The following CHSY3 variants were observed in gnomAD, a reference collection of about 807,000 sequenced individuals.
The protein encoded by CHSY3 is N-acetylgalactosaminyl-proteoglycan 3-beta-glucuronosyltransferase 3.
Under a neutral mutation model 67.2 loss-of-function variants are expected in CHSY3, and 35 were observed. That is an observed-to-expected ratio of 0.52 (90% confidence interval 0.40 to 0.69). The LOEUF (loss-of-function observed/expected upper bound fraction) is 0.69. Among genes scored for constraint, CHSY3 ranks in the 30% least tolerant of loss-of-function variants. CHSY3 has a pLI of 0.00. For missense variants in CHSY3, 1,069 were observed against 1,138.5 expected (o/e 0.94, Z 0.88); for synonymous variants, 474 against 434.7 (o/e 1.09, Z -1.12).
At chr5:130,019,921 G>A (rs1303497095) in intron 2 of CHSY3, among the ~76,000 whole-genome samples, 7 of 152,072 alleles carry the variant, frequency 4.6e-5, no homozygotes, top group Admixed American at 1.3e-4. Flanking sequence ...TTAGGGATTT[G>A]CATTGATTTA....
intron 2 of CHSY3, among the ~76,000 whole-genome samples, chr5:130,173,393 T>A (rs1307805698): frequency 1.3e-5 from 2 of 152,240 alleles, no homozygotes; most frequent in Admixed American, 1.3e-4. Context: ...CTCTCACTGA[T>A]AACATCTCGC....
At chr5:130,058,434 C>G (rs1765603800) in intron 2 of CHSY3, among the ~76,000 whole-genome samples, 1 of 152,092 alleles carries the variant, frequency 6.6e-6, no homozygotes, top group South Asian at 2.1e-4. Flanking sequence ...TCGAGACCAG[C>G]CTGGCTAACA....
chr5:130,149,735 G>A (rs1769179079), intron 2 of CHSY3, among the ~76,000 whole-genome samples: 1 of 152,174 alleles, frequency 6.6e-6, no homozygotes, highest in African/African-American at 2.4e-5. Context: ...TAAAATTCTG[G>A]TATAACAAGG....
At chr5:130,119,939 G>T (rs1408882573) in intron 2 of CHSY3, among the ~76,000 whole-genome samples, 1 of 152,230 alleles carries the variant, frequency 6.6e-6, no homozygotes, top group South Asian at 2.1e-4. Context: ...CGCTAAAAAT[G>T]TTAAAGGAGT....
At chr5:130,022,025 T>C (rs991698516) in intron 2 of CHSY3, among the ~76,000 whole-genome samples, 4 of 152,070 alleles carry the variant, frequency 2.6e-5, no homozygotes, top group Non-Finnish European at 5.9e-5. Context: ...AATTAGGTCA[T>C]TTGCTGGGAA....
At chr5:129,980,800 G>C (rs1052429844) in intron 2 of CHSY3, among the ~76,000 whole-genome samples, 2 of 152,098 alleles carry the variant, frequency 1.3e-5, no homozygotes, top group African/African-American at 2.4e-5. Context: ...GTGTGAAGAG[G>C]ATAAGGTCTG....
At chr5:129,998,047 A>G (rs938418566) in intron 2 of CHSY3, among the ~76,000 whole-genome samples, 1 of 152,134 alleles carries the variant, frequency 6.6e-6, no homozygotes, top group Non-Finnish European at 1.5e-5. Flanking sequence ...GCTGGGTCAA[A>G]TGGTATTTCT....
At chr5:130,077,062 C>T (rs1042567862) in intron 2 of CHSY3, among the ~76,000 whole-genome samples, 2 of 149,718 alleles carry the variant, frequency 1.3e-5, no homozygotes, top group Non-Finnish European at 1.5e-5. Context: ...CTAACCTGCA[C>T]ATTGTGCACA....
At chr5:130,180,504 A>G (rs1245279215) in intron 2 of CHSY3, among the ~76,000 whole-genome samples, 1 of 152,126 alleles carries the variant, frequency 6.6e-6, no homozygotes, top group African/African-American at 2.4e-5. Flanking sequence ...GCCTATTAGT[A>G]ATCAACTCCT....
rs558615442 is a variant in CHSY3, at chr5:129,958,548, C to A, written c.1086+50188C>A. 2.2e-4 allele frequency among the ~76,000 whole-genome samples: 34 copies of A among 152,130 alleles called. 1 individual carries two copies. Among genetic ancestry groups the A allele is most frequent in the Middle Eastern group, 3.4e-3 (1 of 294 alleles). On this transcript the variant is annotated intron_variant, in intron 2 of 2. Coordinates refer to ENST00000305031, the MANE Select transcript of CHSY3 (RefSeq NM_175856.5). ...AAGATTTTGTAACTTTTGTACAGAGCAAGATGGGGTTTTGCTCTGTTACCC... is the reference window on the plus strand; with the variant it reads ...AAGATTTTGTAACTTTTGTACAGAGAAAGATGGGGTTTTGCTCTGTTACCC...
chr5:130,020,443 A>G (rs200416192), intron 2 of CHSY3, among the ~76,000 whole-genome samples: 1 of 7,740 alleles, frequency 1.3e-4, no homozygotes, highest in Middle Eastern at 0.033. Flanking sequence ...ATATATATAT[A>G]TATATATATA....
chr5:129,988,207 TG>T (rs2149628032), intron 2 of CHSY3, among the ~76,000 whole-genome samples: 1 of 152,358 alleles, frequency 6.6e-6, no homozygotes, highest in Non-Finnish European at 1.5e-5. Flanking sequence ...GGATGAGTAA[TG>T]GCACCAGAGC....
chr5:129,933,843 A>C (rs1761403124), intron 2 of CHSY3, among the ~76,000 whole-genome samples: 2 of 152,052 alleles, frequency 1.3e-5, no homozygotes, highest in African/African-American at 4.8e-5. Context: ...AATTTTTTAG[A>C]AGTTGTACCT....
intron 2 of CHSY3, among the ~76,000 whole-genome samples, chr5:130,017,546 G>T (rs143686406): frequency 6.6e-6 from 1 of 152,200 alleles, no homozygotes; most frequent in Non-Finnish European, 1.5e-5. Flanking sequence ...TTGATCTCCC[G>T]AGAAGTTCTT....
chr5:129,924,366 G>A (rs1027440643), intron 2 of CHSY3, among the ~76,000 whole-genome samples: 6 of 152,062 alleles, frequency 3.9e-5, no homozygotes, highest in African/African-American at 1.4e-4. Context: ...TAGAATTAAC[G>A]GCCGAGCGCA....
chr5:130,103,072 G>A (rs965425232), intron 2 of CHSY3, among the ~76,000 whole-genome samples: 3 of 151,982 alleles, frequency 2.0e-5, no homozygotes, highest in Admixed American at 6.6e-5. Flanking sequence ...CTAGAGGCTT[G>A]GTGCTTCCTG....
intron 2 of CHSY3, among the ~76,000 whole-genome samples, chr5:130,069,151 G>A (rs926776475): frequency 9.2e-5 from 14 of 151,986 alleles, no homozygotes; most frequent in African/African-American, 3.4e-4. Flanking sequence ...GCAAAACAGT[G>A]CAAGTTCAGG....
intron 2 of CHSY3, among the ~76,000 whole-genome samples, chr5:130,124,542 A>T (rs190759782): frequency 2.6e-4 from 38 of 147,376 alleles, no homozygotes; most frequent in African/African-American, 9.7e-4. Context: ...TGCAACCTCC[A>T]CCTCCTCAGT....
At chr5:130,168,467 G>T (rs780684170) in intron 2 of CHSY3, among the ~76,000 whole-genome samples, 1 of 152,062 alleles carries the variant, frequency 6.6e-6, no homozygotes, top group Non-Finnish European at 1.5e-5. Flanking sequence ...TGGCCTATGA[G>T]TCACTACTTA....
Sources: allele counts gnomAD v4.1 joint callset (sites outside exome capture counted in the v4.1 genomes callset), GRCh38; gene constraint gnomAD v4.1.1; transcripts MANE v1.5; gene names NCBI Gene and HGNC (gene_info 2026-07-23, HGNC 2026-07-21).